The following ASB15 variants were observed in gnomAD, a reference collection of about 807,000 sequenced individuals.
ASB15 encodes the protein ankyrin repeat and SOCS box protein 15.
In ASB15, 54 loss-of-function variants were observed where a neutral mutation model predicts 58.0. The observed-to-expected ratio is 0.93, with a 90% CI of 0.75 to 1.17. The LOEUF is 1.17. ASB15 is among the 50% of genes most tolerant of loss of function. The probability of loss-of-function intolerance (pLI) is 0.00; values close to 1 mark genes in which losing one functional copy is unlikely to be tolerated. For missense variants in ASB15, 680 were observed against 707.4 expected (o/e 0.96, Z 0.44); for synonymous variants, 249 against 262.4 (o/e 0.95, Z 0.50).
intron 1 of ASB15, among the ~76,000 whole-genome samples, chr7:123,594,733 CG>C (rs940116169): frequency 1.3e-5 from 2 of 152,128 alleles, no homozygotes; most frequent in Admixed American, 1.3e-4. Context: ...TCAGGCTACA[CG>C]GGGGTCAGGG....
intron 1 of ASB15, among the ~76,000 whole-genome samples, chr7:123,581,425 A>T (rs1055164118): frequency 1.3e-5 from 2 of 151,588 alleles, no homozygotes; most frequent in African/African-American, 4.8e-5. Context: ...AAAAAAAAAA[A>T]AAAAAAAGGT....
chr7:123,631,038 G>T (rs1802090046), intron 11 of ASB15, among the ~76,000 whole-genome samples: 1 of 152,160 alleles, frequency 6.6e-6, no homozygotes, highest in African/African-American at 2.4e-5. Context: ...GAGTAGGATT[G>T]CTAGATTATA....
chr7:123,574,548 A>C (rs779923684), intron 1 of ASB15, among the ~76,000 whole-genome samples: 9 of 152,174 alleles, frequency 5.9e-5, no homozygotes, highest in Non-Finnish European at 1.3e-4. Context: ...CTAGTTAAAA[A>C]CACTGTTTAC....
chr7:123,633,845 A>G (rs1262867749), intron 11 of ASB15, among the ~76,000 whole-genome samples: 1 of 152,210 alleles, frequency 6.6e-6, no homozygotes, highest in African/African-American at 2.4e-5. Context: ...AACCTGGAAC[A>G]TCTGGTCATA....
At chr7:123,635,583 C>CTTTTTTT (rs5887149) in intron 11 of ASB15, among the ~76,000 whole-genome samples, 1 of 81,696 alleles carries the variant, frequency 1.2e-5, no homozygotes, top group African/African-American at 4.9e-5. Flanking sequence ...AAATTAATTG[C>CTTTTTTT]TTTTTTTTTT....
At chr7:123,593,008 C>A (rs1422152636) in intron 1 of ASB15, among the ~76,000 whole-genome samples, 1 of 151,600 alleles carries the variant, frequency 6.6e-6, no homozygotes, top group Non-Finnish European at 1.5e-5. Flanking sequence ...TGAATTGATC[C>A]CTTTACCATT....
At chr7:123,601,473 G>A (rs973899429), upstream of ASB15, among the ~76,000 whole-genome samples, 1 of 152,160 alleles carries the variant, frequency 6.6e-6, no homozygotes, top group Non-Finnish European at 1.5e-5. Flanking sequence ...GAAAAATAGT[G>A]TGTATTAAAA....
chr7:123,573,866 A>T (rs567352562), intron 1 of ASB15, among the ~76,000 whole-genome samples: 259 of 152,154 alleles, frequency 1.7e-3, no homozygotes, highest in South Asian at 2.5e-3. Flanking sequence ...TATTTTTAGC[A>T]TGATTGGGTC....
At position 123,575,543 on chromosome 7, in the gene ASB15, C is replaced by T. The variant is rs574034139; in HGVS notation, c.-443+8455C>T. 1.4e-3 allele frequency among the ~76,000 whole-genome samples: 207 copies of T among 151,976 alleles called. 1 individual carries two copies. Among genetic ancestry groups the T allele is most frequent in the African/African-American group, 4.7e-3 (197 of 41,494 alleles). The stretch of plus-strand genomic sequence containing the variant: ...ACATTCTGCTCAGTAATCTTAATTC[C>T]CTACATTTCTTTTATTATTATTTCT... On this transcript the variant is annotated intron_variant, in intron 1 of 13. Coordinates refer to the ASB15 transcript ENST00000451558.
chr7:123,582,479 A>G (rs1799264046), intron 1 of ASB15, among the ~76,000 whole-genome samples: 1 of 152,022 alleles, frequency 6.6e-6, no homozygotes, highest in African/African-American at 2.4e-5. Context: ...TTCAGTATAT[A>G]CATATATCCT....
chr7:123,609,321 A>T (rs1361632097), intron 3 of ASB15, among the ~76,000 whole-genome samples: 1 of 152,142 alleles, frequency 6.6e-6, no homozygotes, highest in African/African-American at 2.4e-5. Flanking sequence ...TACTCCAGTA[A>T]CTATCCCAAG....
intron 1 of ASB15, among the ~76,000 whole-genome samples, chr7:123,589,111 A>G (rs1799457719): frequency 6.6e-6 from 1 of 151,734 alleles, no homozygotes; most frequent in Non-Finnish European, 1.5e-5. Context: ...TTTCCTGTCT[A>G]AATAATCTTT....
In ASB15 at chr7:123,636,891, A is replaced by C; in HGVS notation, c.1677A>C (p.Ser559=). ...MGLQKLCQPA[S]VEKLPLPPAI... ...TCCAGAAACTCTGCCAGCCAGCCTCAGTGGAGAAGCTTCCTCTACCACCAG... is the reference window on the plus strand; with the variant it reads ...TCCAGAAACTCTGCCAGCCAGCCTCCGTGGAGAAGCTTCCTCTACCACCAG... Residue 559 remains serine (S), a synonymous_variant, in exon 12 of 12, where the codon TCA becomes TCC. Coordinates refer to ENST00000451215, the MANE Select transcript of ASB15 (RefSeq NM_001290258.2). The C allele has an allele frequency of 6.2e-7, 1 of 1,603,022 alleles. No individual in the cohort carries two copies. Among genetic ancestry groups the C allele is most frequent in the Non-Finnish European group, 8.5e-7 (1 of 1,169,972 alleles).
Position 123,624,688 on chromosome 7 carries a change from G to T in ASB15, c.571G>T (p.Asp191Tyr). Residue 191 changes from aspartate to tyrosine, a missense_variant, in exon 8 of 12, where the codon GAT (aspartate) becomes TAT (tyrosine). Physicochemically the swap from Asp to Tyr is radical, Grantham distance 160. Coordinates refer to ENST00000451215, the MANE Select transcript of ASB15 (RefSeq NM_001290258.2). ...MHEAAKQGRK[D>Y]IVALLLKHGG... ...TGAAGCAGCCAAGCAAGGCCGAAAA[G>T]ATATCGTAGCTCTGCTGCTGAAACA... 6.2e-7 allele frequency: 1 copy of T among 1,614,190 alleles called. No homozygotes were observed. Among genetic ancestry groups the T allele is most frequent in the Non-Finnish European group, 8.5e-7 (1 of 1,180,030 alleles).
rs17146156 is a variant in ASB15 at position 123,582,917 on chromosome 7, G to T, written c.-443+15829G>T. ...TACCTCATTTAGAACGCTCAGAAAT[G>T]ATAACTTGGTACCATGAAAGAAACT... On this transcript the variant is annotated intron_variant, in intron 1 of 13. Coordinates refer to the ASB15 transcript ENST00000451558. 4.2e-4 allele frequency among the ~76,000 whole-genome samples: 64 copies of T among 152,110 alleles called. 1 individual carries two copies. In the East Asian group the frequency reaches 0.012, roughly 28 times the overall value.
intron 4 of ASB15, chr7:123,615,232 A>G (rs1361082636): frequency 1.3e-5 from 2 of 152,244 alleles, no homozygotes; most frequent in African/African-American, 4.8e-5. Context: ...GGTAGGATTT[A>G]TAGAGTCTAA....
chr7:123,623,952 A>G (rs554850253), intron 7 of ASB15, among the ~76,000 whole-genome samples: 3 of 107,722 alleles, frequency 2.8e-5, no homozygotes, highest in Non-Finnish European at 4.3e-5. Context: ...AGAAAGAAAG[A>G]AAGAAAGAAA....
rs760314827 is a variant in ASB15, at chr7:123,617,635, T to G, written c.349T>G (p.Leu117Val). 6.2e-7 allele frequency: 1 copy of G among 1,610,464 alleles called. No individual in the cohort carries two copies. Among genetic ancestry groups the G allele is most frequent in the South Asian group, 1.1e-5 (1 of 90,990 alleles). ...KTCDGETPLT[L>V]AVKAGLVENV... ...CTGTGATGGAGAAACACCCTTGACTTTGGCAGTCAAAGCTGGTCTGGTGGA... is the reference window on the plus strand; with the variant it reads ...CTGTGATGGAGAAACACCCTTGACTGTGGCAGTCAAAGCTGGTCTGGTGGA... Residue 117 changes from leucine to valine, a missense_variant, in exon 7 of 12, where the codon TTG becomes GTG. Transcript: ENST00000451215.
intron 8 of ASB15, among the ~76,000 whole-genome samples, chr7:123,625,597 A>G (rs902778924): frequency 2.4e-4 from 37 of 152,092 alleles, no homozygotes; most frequent in African/African-American, 8.5e-4. Flanking sequence ...TTCAAAGTCA[A>G]TCTCTTGAGA....
Sources: gnomAD v4.1 joint callset for allele counts (sites outside exome capture counted in the v4.1 genomes callset) on GRCh38, gnomAD v4.1.1 for gene constraint, MANE v1.5 for transcripts, NCBI Gene and HGNC (gene_info 2026-07-23, HGNC 2026-07-21) for gene names.